MSRA: variants seen among roughly 807,000 people sequenced by gnomAD.
MSRA encodes the protein mitochondrial peptide methionine sulfoxide reductase.
In MSRA, 54 loss-of-function variants were observed where a neutral mutation model predicts 31.3. The observed-to-expected ratio is 1.73, with a 90% CI of 1.39 to 2.17. The LOEUF is 2.17. Among genes scored for constraint, MSRA ranks in the 30% most tolerant of loss-of-function variants. The pLI, the probability that MSRA is intolerant of heterozygous loss-of-function variation, is 0.00. For synonymous variants in MSRA, 169 were observed against 116.5 expected (o/e 1.45, Z -2.90); for missense variants, 507 against 300.9 (o/e 1.69, Z -5.07).
chr8:10,255,320 G>A (rs1041031205), intron 3 of MSRA, among the ~76,000 whole-genome samples: 1 of 152,198 alleles, frequency 6.6e-6, no homozygotes, highest in Non-Finnish European at 1.5e-5. Context: ...TTAATTCTCT[G>A]CCTCCTTAGA....
At chr8:10,382,273 G>T (rs1806117369) in intron 5 of MSRA, among the ~76,000 whole-genome samples, 1 of 152,188 alleles carries the variant, frequency 6.6e-6, no homozygotes, top group Non-Finnish European at 1.5e-5. Context: ...GAGCCTTCAG[G>T]CTTGAAGATG....
At chr8:10,153,178 C>G (rs746319123) in intron 1 of MSRA, among the ~76,000 whole-genome samples, 4 of 152,058 alleles carry the variant, frequency 2.6e-5, no homozygotes, top group Non-Finnish European at 5.9e-5. Flanking sequence ...ACCACAATTA[C>G]AAAAGTGGAA....
chr8:10,348,230 T>C lies in MSRA; in HGVS notation c.543+28241T>C, dbSNP rs1009345013. Among the ~76,000 whole-genome samples the C allele has an allele frequency of 8.5e-5, 13 of 152,288 alleles. No homozygotes were observed. The South Asian group carries it at 2.7e-3, about 32-fold the overall frequency. ...GTTTACTCAGCCCTTCCTTTTGTAG[T>C]TCTAGTAAATTGCTTTGTATTTGAA... On this transcript the variant is annotated intron_variant, in intron 5 of 5. Coordinates refer to ENST00000317173, the MANE Select transcript of MSRA (RefSeq NM_012331.5).
At chr8:10,331,066 C>T (rs1802667492) in intron 5 of MSRA, among the ~76,000 whole-genome samples, 1 of 152,198 alleles carries the variant, frequency 6.6e-6, no homozygotes, top group African/African-American at 2.4e-5. Context: ...ACACAGAAGT[C>T]ATGTGAACAC....
At chr8:10,392,455 A>G (rs745519306) in intron 5 of MSRA, among the ~76,000 whole-genome samples, 4 of 151,806 alleles carry the variant, frequency 2.6e-5, no homozygotes, top group East Asian at 1.9e-4. Flanking sequence ...CCCTCTCCCT[A>G]TGGGTTCCTC....
chr8:10,372,535 T>C (rs1270224798), intron 5 of MSRA, among the ~76,000 whole-genome samples: 18 of 152,216 alleles, frequency 1.2e-4, no homozygotes, highest in African/African-American at 3.9e-4. Flanking sequence ...GTCTCACTTT[T>C]ACAACCACTG....
chr8:10,133,066 CT>C (rs1359981192), intron 1 of MSRA, among the ~76,000 whole-genome samples: 1 of 152,164 alleles, frequency 6.6e-6, no homozygotes, highest in Non-Finnish European at 1.5e-5. Context: ...CCATCCAACT[CT>C]TAGGGAAGGG....
intron 1 of MSRA, among the ~76,000 whole-genome samples, chr8:10,169,309 C>G (rs1202253495): frequency 2.0e-5 from 3 of 152,160 alleles, no homozygotes; most frequent in Non-Finnish European, 4.4e-5. Flanking sequence ...ACAATACTTG[C>G]CTTAACTGAG....
intron 1 of MSRA, among the ~76,000 whole-genome samples, chr8:10,165,584 G>T (rs1358282729): frequency 1.3e-5 from 2 of 152,198 alleles, no homozygotes; most frequent in Non-Finnish European, 2.9e-5. Flanking sequence ...ATGAGTGGCA[G>T]TCTGTGCCCA....
At chr8:10,300,895 C>G (rs1273889261) in intron 3 of MSRA, among the ~76,000 whole-genome samples, 1 of 152,140 alleles carries the variant, frequency 6.6e-6, no homozygotes, top group Non-Finnish European at 1.5e-5. Flanking sequence ...AACAGGCCTA[C>G]TTACAGAGGA....
intron 1 of MSRA, chr8:10,095,839 C>T (rs1282404189): frequency 8.0e-7 from 1 of 1,255,160 alleles, no homozygotes; most frequent in Non-Finnish European, 1.0e-6. Flanking sequence ...ACGAAGCTTC[C>T]ATAGTGTCCA....
chr8:10,240,552 C>G (rs2129079199), intron 2 of MSRA, among the ~76,000 whole-genome samples: 1 of 152,216 alleles, frequency 6.6e-6, no homozygotes, highest in Middle Eastern at 3.4e-3. Context: ...ATACTCACTC[C>G]CACATGTCCA....
At chr8:10,104,092 C>G (rs555130610) in intron 1 of MSRA, among the ~76,000 whole-genome samples, 2 of 152,258 alleles carry the variant, frequency 1.3e-5, no homozygotes, top group East Asian at 3.9e-4. Context: ...TAGAGTGTCT[C>G]ATTTTAGCGT....
At chr8:10,170,672 G>T (rs2129046175) in intron 1 of MSRA, among the ~76,000 whole-genome samples, 1 of 152,326 alleles carries the variant, frequency 6.6e-6, no homozygotes, top group African/African-American at 2.4e-5. Context: ...GGGAGGATGT[G>T]CATAGGTTAC....
chr8:10,135,707 T>C (rs1254466879), intron 1 of MSRA, among the ~76,000 whole-genome samples: 1 of 152,202 alleles, frequency 6.6e-6, no homozygotes, highest in African/African-American at 2.4e-5. Flanking sequence ...CATATGAAAT[T>C]GCCATTTTTA....
intron 5 of MSRA, among the ~76,000 whole-genome samples, chr8:10,332,630 C>G (rs75604149): frequency 6.6e-6 from 1 of 152,138 alleles, no homozygotes; most frequent in Non-Finnish European, 1.5e-5. Flanking sequence ...TATGCAGCCA[C>G]GTAGACAGCT....
chr8:10,129,786 C>G (rs1485095650), intron 1 of MSRA, among the ~76,000 whole-genome samples: 3 of 152,202 alleles, frequency 2.0e-5, no homozygotes, highest in Non-Finnish European at 4.4e-5. Context: ...TGAGTTGAAT[C>G]TGTCCAAACC....
At chr8:10,312,076 T>C (rs1343259739) in intron 4 of MSRA, among the ~76,000 whole-genome samples, 5 of 152,154 alleles carry the variant, frequency 3.3e-5, no homozygotes, top group East Asian at 3.8e-4. Context: ...AATTCATATA[T>C]TAGAAGAGAA....
At chr8:10,270,705 A>G (rs1200848169) in intron 3 of MSRA, among the ~76,000 whole-genome samples, 1 of 152,254 alleles carries the variant, frequency 6.6e-6, no homozygotes, top group African/African-American at 2.4e-5. Flanking sequence ...TTTCATAAGC[A>G]TTCATAACGA....
Sources: allele counts gnomAD v4.1 joint callset (sites outside exome capture counted in the v4.1 genomes callset), GRCh38; gene constraint gnomAD v4.1.1; transcripts MANE v1.5; gene names NCBI Gene and HGNC (gene_info 2026-07-23, HGNC 2026-07-21).